The following PTPRN2 variants were observed in gnomAD, a reference collection of about 807,000 sequenced individuals.
PTPRN2 encodes the protein receptor-type tyrosine-protein phosphatase N2.
PTPRN2 carries 74 observed loss-of-function variants against 118.8 expected under a neutral mutation model. The ratio of observed to expected loss-of-function variants is 0.62; its 90% confidence interval spans 0.52 to 0.76. The LOEUF (loss-of-function observed/expected upper bound fraction) is 0.76, where lower values mean the gene tolerates loss of function less well. Among genes scored for constraint, PTPRN2 ranks in the 30% least tolerant of loss-of-function variants. The pLI, the probability that PTPRN2 is intolerant of heterozygous loss-of-function variation, is 0.00. For missense variants in PTPRN2, 1,481 were observed against 1,394.4 expected, an observed-to-expected ratio of 1.06 and a Z score of -0.99; for synonymous variants, 641 against 608.0, an observed-to-expected ratio of 1.05 and a Z score of -0.80.
chr7:157,730,294 C>T (rs1028175819), intron 12 of PTPRN2, among the ~76,000 whole-genome samples: 5 of 152,150 alleles, frequency 3.3e-5, no homozygotes, highest in Admixed American at 6.5e-5. Context: ...TCGTCTTCTA[C>T]GCCAGACAAA....
At chr7:157,613,351 G>C (rs1802507958) in intron 15 of PTPRN2, among the ~76,000 whole-genome samples, 1 of 152,228 alleles carries the variant, frequency 6.6e-6, no homozygotes, top group Non-Finnish European at 1.5e-5. Flanking sequence ...GGTCTCTTCC[G>C]ATAGTTCTGG....
At chr7:158,311,140 CT>C (rs138837759) in intron 3 of PTPRN2, among the ~76,000 whole-genome samples, 2,199 of 152,286 alleles carry the variant, frequency 0.014, 55 homozygotes, top group African/African-American at 0.05. Flanking sequence ...CCCGGCTCCC[CT>C]GACCTGTGCC....
intron 2 of PTPRN2, among the ~76,000 whole-genome samples, chr7:158,447,263 G>A (rs1389593516): frequency 2.0e-5 from 3 of 152,174 alleles, no homozygotes; most frequent in Non-Finnish European, 2.9e-5. Context: ...AAGCAAAAGC[G>A]TGGATGTATG....
At position 158,529,971 on chromosome 7, in the gene PTPRN2, G is replaced by A. The variant is rs948592809; in HGVS notation, c.113-40186C>T. Among the ~76,000 whole-genome samples the A allele has an allele frequency of 1.1e-4, 16 of 151,732 alleles. No homozygotes were observed. The highest frequency in any genetic ancestry group is 1.5e-4 in the African/African-American group (6 of 41,262). On this transcript the variant is annotated intron_variant, in intron 1 of 22. Coordinates refer to ENST00000389418, the MANE Select transcript of PTPRN2 (RefSeq NM_002847.5). The surrounding 1 kb of genome is among the most constrained non-coding windows in gnomAD (Gnocchi z 4.7). ...TCACATACCACACACAAGCATGCAC[G>A]CCACACATGCCATACACACCACACG...
At chr7:157,826,224 C>T (rs1283510860) in intron 12 of PTPRN2, among the ~76,000 whole-genome samples, 16 of 143,368 alleles carry the variant, frequency 1.1e-4, no homozygotes, top group African/African-American at 3.4e-4. Flanking sequence ...TCGTCACAAT[C>T]GCGAGCGCCA....
chr7:158,297,796 A>C lies in PTPRN2; in HGVS notation c.277+19023T>G, dbSNP rs10274453. On this transcript the variant is annotated intron_variant, in intron 3 of 22. Transcript: ENST00000389418. ...ATGCTGTTCCCTCACCTCTCCACATATATTTTGGAGAATATCACAATAGGA... is the reference window on the plus strand; with the variant it reads ...ATGCTGTTCCCTCACCTCTCCACATCTATTTTGGAGAATATCACAATAGGA... 5.5e-3 allele frequency among the ~76,000 whole-genome samples: 844 copies of C among 152,280 alleles called. 5 individuals carry two copies. Among genetic ancestry groups the C allele is most frequent in the African/African-American group, 0.019 (792 of 41,552 alleles).
chr7:157,617,255 T>G lies in PTPRN2; in HGVS notation c.2344+4107A>C, dbSNP rs556136314. 1 of 150,852 alleles carries G rather than the reference T, an allele frequency of 6.6e-6. No individual in the cohort carries two copies. The highest frequency in any genetic ancestry group is 2.4e-5 in the African/African-American group (1 of 40,906). 9.3% of individuals were successfully genotyped at this position (150,852 alleles called of 1,614,324 possible). ...GAGCACGGGGGACGCTGGCTCACGA[T>G]GCCCCAGTGATGCCGTGGTTAGGAC... On this transcript the variant is annotated intron_variant, in intron 15 of 22. Transcript: ENST00000389418. This position sits in a 1 kb window ranked among gnomAD's most constrained non-coding sequence, Gnocchi z 7.5.
chr7:158,177,365 T>C (rs1407631245), intron 5 of PTPRN2, among the ~76,000 whole-genome samples: 2 of 152,196 alleles, frequency 1.3e-5, no homozygotes, highest in Non-Finnish European at 2.9e-5. Context: ...TTGTATATCT[T>C]TTTATGAAGT....
intron 2 of PTPRN2, among the ~76,000 whole-genome samples, chr7:158,385,988 G>A (rs1398236641): frequency 7.5e-6 from 1 of 133,992 alleles, no homozygotes; most frequent in Non-Finnish European, 1.6e-5. Context: ...CTCCTCCCAT[G>A]CCCTGAGTCC....
At chr7:157,612,536 C>G (rs1273649982) in intron 15 of PTPRN2, among the ~76,000 whole-genome samples, 3 of 152,212 alleles carry the variant, frequency 2.0e-5, no homozygotes, top group East Asian at 3.8e-4. Context: ...TGTGGCTGTG[C>G]TGCCTGAGAT....
intron 5 of PTPRN2, among the ~76,000 whole-genome samples, chr7:158,188,949 C>T (rs1825533688): frequency 6.6e-6 from 1 of 152,202 alleles, no homozygotes; most frequent in South Asian, 2.1e-4. Flanking sequence ...AGCAGAACCA[C>T]TGAGCACCTG....
At chr7:157,806,880 G>A (rs1048651185) in intron 12 of PTPRN2, among the ~76,000 whole-genome samples, 1 of 152,256 alleles carries the variant, frequency 6.6e-6, no homozygotes, top group Non-Finnish European at 1.5e-5. Context: ...TCCTCTGCAT[G>A]CACAGCCTCT....
At chr7:158,320,057 TCCCTCA>T (rs1268860719) in intron 2 of PTPRN2, among the ~76,000 whole-genome samples, 3 of 63,588 alleles carry the variant, frequency 4.7e-5, no homozygotes, top group African/African-American at 2.2e-4. Flanking sequence ...ACTCACAGTC[TCCCTCA>T]CACACACACA....
intron 11 of PTPRN2, among the ~76,000 whole-genome samples, chr7:157,983,785 C>A (rs988311998): frequency 2.0e-5 from 3 of 152,200 alleles, no homozygotes; most frequent in African/African-American, 7.2e-5. Flanking sequence ...AGGAGCGTTA[C>A]GGACAACTGT....
At chr7:157,830,678 C>T (rs1172077989) in intron 12 of PTPRN2, among the ~76,000 whole-genome samples, 1 of 152,222 alleles carries the variant, frequency 6.6e-6, no homozygotes, top group Non-Finnish European at 1.5e-5. Context: ...ACAGGATATC[C>T]CACAGGACAA....
At chr7:158,102,901 GGA>G (rs1245773121) in intron 10 of PTPRN2, among the ~76,000 whole-genome samples, 5 of 152,244 alleles carry the variant, frequency 3.3e-5, no homozygotes, top group Admixed American at 3.3e-4. Context: ...AGACCCGGGA[GGA>G]CACACCCCCA....
chr7:158,092,584 C>T (rs1814284459), intron 10 of PTPRN2, among the ~76,000 whole-genome samples: 1 of 152,136 alleles, frequency 6.6e-6, no homozygotes, highest in South Asian at 2.1e-4. Flanking sequence ...TTAAACCTTT[C>T]CCATCTTGTG....
At position 158,529,411 on chromosome 7, in the gene PTPRN2, G is replaced by A. The variant is rs1473838455; in HGVS notation, c.113-39626C>T. ...AAGGCCCAGGGGAGGCCAGCAGGAG[G>A]ACGGACTCACCAGGACACCCCCAAG... is the stretch of plus-strand genomic sequence containing the variant. On this transcript the variant is annotated intron_variant, in intron 1 of 22. Transcript: ENST00000389418. The surrounding 1 kb of genome is among the most constrained non-coding windows in gnomAD (Gnocchi z 4.7). Among the ~76,000 whole-genome samples the A allele has an allele frequency of 3.9e-5, 6 of 152,208 alleles. No individual in the cohort carries two copies. The highest frequency in any genetic ancestry group is 7.2e-5 in the African/African-American group (3 of 41,444).
At position 157,674,487 on chromosome 7, in the gene PTPRN2, G is replaced by A. The variant is rs988844899; in HGVS notation, c.2001+8238C>T. 1.3e-5 allele frequency among the ~76,000 whole-genome samples: 2 copies of A among 152,324 alleles called. No individual in the cohort carries two copies. Among genetic ancestry groups the A allele is most frequent in the Admixed American group, 6.5e-5 (1 of 15,306 alleles). ...ACACCCAGCTCCTGCATGCCGTGGC[G>A]GCTCCAGCCATCATTCCTCATCCCA... On this transcript the variant is annotated intron_variant, in intron 13 of 22. Coordinates refer to ENST00000389418, the MANE Select transcript of PTPRN2 (RefSeq NM_002847.5). This position sits in a 1 kb window ranked among gnomAD's most constrained non-coding sequence, Gnocchi z 4.5.
Sources: allele counts gnomAD v4.1 joint callset (sites outside exome capture counted in the v4.1 genomes callset), GRCh38; gene constraint gnomAD v4.1.1; non-coding constraint Gnocchi (gnomAD v3.1); transcripts MANE v1.5; gene names NCBI Gene and HGNC (gene_info 2026-07-23, HGNC 2026-07-21).